Variants in LONRF3 observed in about 807,000 individuals in gnomAD.
LONRF3 encodes LON peptidase N-terminal domain and RING finger protein 3.
LONRF3 carries 19 observed loss-of-function variants against 51.7 expected under a neutral mutation model. The ratio of observed to expected loss-of-function variants is 0.37; its 90% CI spans 0.26 to 0.54. LONRF3 has a LOEUF of 0.54. Ranked by LOEUF, LONRF3 falls within the 20% of genes least tolerant of loss-of-function variation. The pLI is 0.86. For synonymous variants in LONRF3, 265 were observed against 257.8 expected (o/e 1.03, Z -0.27); for missense variants, 521 against 623.9 (o/e 0.84, Z 1.76).
rs1871554564 is a variant in LONRF3, at chrX:118,975,169, G to A, written c.389G>A (p.Ser130Asn). 8.5e-7 allele frequency: 1 copy of A among 1,175,748 alleles called. No homozygotes were observed. The highest frequency in any genetic ancestry group is 1.1e-6 in the Non-Finnish European group (1 of 878,033). Residue 130 changes from serine to asparagine, a missense_variant, in exon 1 of 11, where the codon AGC (serine) becomes AAC (asparagine). This residue lies in a region of LONRF3 where 376 missense variants were observed against 376.7 expected (regional missense o/e 1.00). Transcript: ENST00000371628. Reference sequence around the variant, plus strand: ...GCGCCGGCGCCCCCGGACGAGGGTAGCACTGCAAGCGGCACCGTGGCGGCG... The same window carrying A: ...GCGCCGGCGCCCCCGGACGAGGGTAACACTGCAAGCGGCACCGTGGCGGCG... ...ALAPAPPDEG[S>N]TASGTVAAEE... is the part of the protein sequence containing the mutation.
At chrX:118,990,387 C>T (rs1180717967) in intron 4 of LONRF3, 83 bp from the exon 5 acceptor site, 9 of 729,132 alleles carry the variant, frequency 1.2e-5, no homozygotes, top group Admixed American at 2.4e-5. Context: ...AACTGAAAAA[C>T]GCATTGGATT....
chrX:119,014,120 A>G (rs1385756983), intron 9 of LONRF3, 87 bp from the exon 10 acceptor site: 16 of 997,707 alleles, frequency 1.6e-5, no homozygotes, highest in Non-Finnish European at 2.0e-5. Flanking sequence ...GGCAGGATGG[A>G]TGCTCAAAGC....
chrX:118,996,886 C>T (rs1167311581), intron 5 of LONRF3, among the ~76,000 whole-genome samples: 2 of 103,199 alleles, frequency 1.9e-5, no homozygotes, highest in African/African-American at 3.6e-5. Context: ...CACACCACTG[C>T]GCTCCAGCCT....
chrX:119,006,357 A>AG, intron 6 of LONRF3, 122 bp downstream of exon 6: 3 of 340,707 alleles, frequency 8.8e-6, no homozygotes, highest in Non-Finnish European at 1.6e-5. Context: ...GCACTGTGGT[A>AG]GGGCACATTA....
chrX:119,000,454 G>C (rs1924190843), intron 5 of LONRF3, among the ~76,000 whole-genome samples: 2 of 111,510 alleles, frequency 1.8e-5, no homozygotes, highest in African/African-American at 3.3e-5. Flanking sequence ...TGAACTGGGG[G>C]AGCTCTGTTG....
intron 3 of LONRF3, chrX:118,986,840 G>T (rs1923004463): frequency 3.4e-6 from 3 of 888,485 alleles, no homozygotes; most frequent in Admixed American, 5.8e-5. Flanking sequence ...CCTGCAAGCT[G>T]GCTCCCTCCC....
chrX:119,014,152 T>C, intron 9 of LONRF3, 55 bp from the exon 10 acceptor site: 1 of 1,142,607 alleles, frequency 8.8e-7, no homozygotes, highest in Non-Finnish European at 1.2e-6. Flanking sequence ...CAAAAGTGAC[T>C]CTGGGAATGA....
At chrX:119,001,066 C>T (rs1239416670) in intron 5 of LONRF3, among the ~76,000 whole-genome samples, 2 of 111,815 alleles carry the variant, frequency 1.8e-5, no homozygotes, top group Non-Finnish European at 3.8e-5. Context: ...TACTCCATCA[C>T]TGTAACAATG....
intron 3 of LONRF3, chrX:118,987,136 C>CA: frequency 9.9e-7 from 1 of 1,013,289 alleles, no homozygotes; most frequent in Non-Finnish European, 1.3e-6. Flanking sequence ...GTTTTGTGGG[C>CA]AAACGTGGGG....
chrX:119,000,237 G>A (rs1924175290), intron 5 of LONRF3, among the ~76,000 whole-genome samples: 1 of 112,133 alleles, frequency 8.9e-6, no homozygotes, highest in Non-Finnish European at 1.9e-5. Flanking sequence ...TGTACTACTT[G>A]TGCAAGATTT....
At chrX:118,996,921 CAAAA>C (rs58609623) in intron 5 of LONRF3, among the ~76,000 whole-genome samples, 1 of 62,756 alleles carries the variant, frequency 1.6e-5, no homozygotes, top group Non-Finnish European at 3.0e-5. Context: ...GACTCCATCT[CAAAA>C]AAAAAAAAAA....
At chrX:118,978,998 C>CTTTTTTTTTTT (rs36016675) in intron 2 of LONRF3, among the ~76,000 whole-genome samples, 13 of 56,111 alleles carry the variant, frequency 2.3e-4, no homozygotes, top group Non-Finnish European at 3.9e-4. Flanking sequence ...TGTTTTCTTT[C>CTTTTTTTTTTT]TTTTTTTTTT....
At chrX:118,985,495 T>C (rs991663988) in intron 3 of LONRF3, among the ~76,000 whole-genome samples, 1 of 111,983 alleles carries the variant, frequency 8.9e-6, no homozygotes, top group African/African-American at 3.2e-5. Context: ...AGGATCAATC[T>C]GAGGACTTTG....
At chrX:118,981,776 C>T (rs1922579550) in intron 2 of LONRF3, among the ~76,000 whole-genome samples, 1 of 112,031 alleles carries the variant, frequency 8.9e-6, no homozygotes, top group Non-Finnish European at 1.9e-5. Flanking sequence ...AGGGCAGCCT[C>T]TGCAGCGAGG....
chrX:118,985,115 C>G lies in LONRF3; in HGVS notation c.1059+2172C>G, dbSNP rs560079664. On this transcript the variant is annotated intron_variant, in intron 3 of 10. Transcript: ENST00000371628. Reference sequence around the variant, plus strand: ...ATTGAGAAGGCCTAGAGAGAGATCTCAAGTAGTAAAATGAAGAAGGGAACT... The same window carrying G: ...ATTGAGAAGGCCTAGAGAGAGATCTGAAGTAGTAAAATGAAGAAGGGAACT... 8.0e-5 allele frequency among the ~76,000 whole-genome samples: 9 copies of G among 112,294 alleles called. No homozygotes were observed. The South Asian group carries it at 3.3e-3, about 42-fold the overall frequency.
chrX:118,978,606 C>T, intron 2 of LONRF3, 143 bp downstream of exon 2: 1 of 425,114 alleles, frequency 2.4e-6, no homozygotes, highest in Non-Finnish European at 4.1e-6. Flanking sequence ...GTAAAGATCC[C>T]TGGGCAAAGA....
At chrX:119,007,825 A>C (rs1330622642) in intron 6 of LONRF3, among the ~76,000 whole-genome samples, 1 of 112,450 alleles carries the variant, frequency 8.9e-6, no homozygotes, top group African/African-American at 3.2e-5. Flanking sequence ...CTTGATCCTT[A>C]TACTGAAATA....
At chrX:119,005,679 G>A (rs1924658232) in intron 5 of LONRF3, among the ~76,000 whole-genome samples, 1 of 112,002 alleles carries the variant, frequency 8.9e-6, no homozygotes, top group Non-Finnish European at 1.9e-5. Context: ...GTAATATGAT[G>A]TAAAGTGCTT....
chrX:118,982,152 T>C (rs1036626872), intron 2 of LONRF3, among the ~76,000 whole-genome samples: 2 of 111,815 alleles, frequency 1.8e-5, no homozygotes, highest in East Asian at 5.6e-4. Context: ...TTCTAAAGTA[T>C]GTGGTGAGGG....
Sources: allele counts gnomAD v4.1 joint callset (sites outside exome capture counted in the v4.1 genomes callset), GRCh38; gene constraint gnomAD v4.1.1; regional missense constraint gnomAD v4.1.1; transcripts MANE v1.5; gene names NCBI Gene and HGNC (gene_info 2026-07-23, HGNC 2026-07-21).